CLEC18A: variants seen among roughly 807,000 people sequenced by gnomAD.
The protein encoded by CLEC18A is C-type lectin domain family 18 member A.
In CLEC18A, 5 loss-of-function variants were observed where a neutral mutation model predicts 24.0. The ratio of observed to expected loss-of-function variants is 0.21; its 90% CI spans 0.11 to 0.44. CLEC18A has a LOEUF of 0.44. Among genes scored for constraint, CLEC18A ranks in the 20% least tolerant of loss-of-function variants. The pLI, the probability that CLEC18A is intolerant of heterozygous loss-of-function variation, is 0.99. For missense variants in CLEC18A, 83 were observed against 233.4 expected, an observed-to-expected ratio of 0.36 and a Z score of 4.20; for synonymous variants, 29 against 100.1, an observed-to-expected ratio of 0.29 and a Z score of 4.24.
At position 69,963,501 on chromosome 16, in the gene CLEC18A, G is replaced by A. The variant is rs374347529; in HGVS notation, c.1304-73G>A. 0.018 allele frequency: 29,200 copies of A among 1,606,950 alleles called. 3,551 individuals are homozygous for A. The African/African-American group carries it at 0.33, about 18-fold the overall frequency. ...CCACGGCCATGGGCACTTCCAGACC[G>A]AGTGCAGCAGGGCTGCCATCTTGGG... On this transcript the variant is annotated intron_variant, in intron 11 of 11. Coordinates refer to ENST00000288040, the MANE Select transcript of CLEC18A (RefSeq NM_001370523.4).
At chr16:69,955,409 G>A (rs1299920565) in intron 3 of CLEC18A, among the ~76,000 whole-genome samples, 2 of 150,514 alleles carry the variant, frequency 1.3e-5, no homozygotes, top group African/African-American at 4.9e-5. Context: ...GGAGTGCAAT[G>A]GCTTGATCTC....
chr16:69,955,007 T>C (rs1381225499), intron 3 of CLEC18A, among the ~76,000 whole-genome samples: 4 of 147,774 alleles, frequency 2.7e-5, no homozygotes, highest in Non-Finnish European at 6.0e-5. Context: ...GCCACATTTT[T>C]TCTTTTTTTG....
downstream of CLEC18A, among the ~76,000 whole-genome samples, chr16:69,964,623 C>G (rs529231991): frequency 4.0e-3 from 601 of 151,288 alleles, no homozygotes; most frequent in African/African-American, 0.014. Flanking sequence ...CCTCAGCCTC[C>G]CGAGTAGCTG....
At chr16:69,965,540 C>T (rs980476124), downstream of CLEC18A, among the ~76,000 whole-genome samples, 14 of 150,464 alleles carry the variant, frequency 9.3e-5, no homozygotes, top group Non-Finnish European at 1.5e-4. Flanking sequence ...CCGAGACCTT[C>T]CCACCCCGCC....
intron 3 of CLEC18A, among the ~76,000 whole-genome samples, chr16:69,956,416 C>T (rs2549222): frequency 0.022 from 2,127 of 97,326 alleles, no homozygotes; most frequent in African/African-American, 0.035. Flanking sequence ...TGTGCAGTGG[C>T]GCGATCTCGG....
chr16:69,954,664 T>C, intron 3 of CLEC18A, 91 bp downstream of exon 3: 1 of 1,544,448 alleles, frequency 6.5e-7, no homozygotes, highest in Non-Finnish European at 8.7e-7. Flanking sequence ...TTGTCCTAAA[T>C]GTTGGGATTC....
Position 69,962,997 on chromosome 16 carries a change from G to A in CLEC18A, c.1233G>A (p.Leu411=). ...DNHGFGNCVE[L]QASAAFNWND... is the part of the protein sequence containing the mutation. Reference sequence around the variant, plus strand: ...GCAGGTTTGGCAACTGCGTGGAGCTGCAGGCTTCAGCTGCCTTCAACTGGA... The same window carrying A: ...GCAGGTTTGGCAACTGCGTGGAGCTACAGGCTTCAGCTGCCTTCAACTGGA... Residue 411 remains leucine, a synonymous_variant, in exon 11 of 12, where the codon CTG becomes CTA. Transcript: ENST00000288040. 6.2e-7 allele frequency: 1 copy of A among 1,611,826 alleles called. No individual in the cohort carries two copies. Among genetic ancestry groups the A allele is most frequent in the Non-Finnish European group, 8.5e-7 (1 of 1,179,068 alleles).
At chr16:69,965,350 T>C (rs1001195522), downstream of CLEC18A, among the ~76,000 whole-genome samples, 1 of 151,978 alleles carries the variant, frequency 6.6e-6, no homozygotes. Context: ...TCGGTCTGGT[T>C]CCCGGGTCAG....
rs767007311 is a variant in CLEC18A, at chr16:69,954,494, T to A, written c.377T>A (p.Leu126Gln). Residue 126 changes from leucine to glutamine, a missense_variant, in exon 3 of 12, where the codon CTA becomes CAA. Around this residue, in one of 3 missense-constraint regions of CLEC18A, gnomAD observed 71 missense variants for 107.4 expected, o/e 0.66. Transcript: ENST00000288040. Reference protein sequence around the residue: ...GLVSFVEVVSLWFAEGQRYSH... With the variant: ...GLVSFVEVVSQWFAEGQRYSH... The stretch of plus-strand genomic sequence containing the variant: ...GTGTCCTTTGTCGAAGTGGTCAGCC[T>A]ATGGTTTGCAGAGGGGCAGCGGTAC... The A allele has an allele frequency of 6.2e-7, 1 of 1,612,354 alleles. No homozygotes were observed.
the CLEC18A span, among the ~76,000 whole-genome samples, chr16:69,944,969 C>T: frequency 1.4e-5 from 2 of 142,170 alleles, no homozygotes; most frequent in Non-Finnish European, 3.0e-5. Context: ...GGCAAGACCC[C>T]GTCTCTACCA....
At chr16:69,946,752 A>G (rs1269704205), upstream of CLEC18A, among the ~76,000 whole-genome samples, 1 of 138,190 alleles carries the variant, frequency 7.2e-6, no homozygotes, top group Non-Finnish European at 1.5e-5. Flanking sequence ...TTTATTGCCA[A>G]TGTGTAGAAA....
chr16:69,954,690 G>C, intron 3 of CLEC18A, 117 bp downstream of exon 3: 1 of 1,497,684 alleles, frequency 6.7e-7, no homozygotes, highest in Admixed American at 2.3e-5. Context: ...CCTCCAATTG[G>C]TTTAGTTTTA....
intron 3 of CLEC18A, among the ~76,000 whole-genome samples, 173 bp from the exon 4 acceptor site, chr16:69,958,766 TAAG>T (rs2059062367): frequency 7.7e-6 from 1 of 130,506 alleles, no homozygotes; most frequent in Non-Finnish European, 1.6e-5. Flanking sequence ...AATAAATAAA[TAAG>T]CCTTCCTGAA....
the CLEC18A span, among the ~76,000 whole-genome samples, chr16:69,945,237 A>G: frequency 6.7e-6 from 1 of 149,040 alleles, no homozygotes; most frequent in Admixed American, 6.6e-5. Context: ...CTACTCAGCA[A>G]TTATGGTACC....
At chr16:69,965,390 C>A (rs1233171099), downstream of CLEC18A, among the ~76,000 whole-genome samples, 1 of 152,010 alleles carries the variant, frequency 6.6e-6, no homozygotes. Context: ...CTCCCGGACC[C>A]GGGACCCGCC....
chr16:69,966,249 T>G (rs138706404), downstream of CLEC18A, among the ~76,000 whole-genome samples: 372 of 150,710 alleles, frequency 2.5e-3, 12 homozygotes, highest in African/African-American at 8.3e-3. Context: ...GATCTGCTTC[T>G]TTGAAAGCCC....
At position 69,954,314 on chromosome 16, in the gene CLEC18A, T is replaced by C. The variant is rs1166616720; in HGVS notation, c.217-20T>C. 1 of 1,572,150 alleles carries C rather than the reference T, an allele frequency of 6.4e-7. No individual in the cohort carries two copies. The highest frequency in any genetic ancestry group is 1.3e-5 in the African/African-American group (1 of 74,508). On this transcript the variant is annotated intron_variant, in intron 2 of 11. Transcript: ENST00000288040. ...AGCAGTCAAAGGCCTCCCACAGATG[T>C]CTGTTTGTGCTGCCCCCAGGACTGG...
chr16:69,948,363 T>A (rs1329151611), upstream of CLEC18A, among the ~76,000 whole-genome samples: 1 of 41,052 alleles, frequency 2.4e-5, no homozygotes, highest in African/African-American at 2.1e-4. Context: ...ACAACTCTCC[T>A]AGAGTTAAAT....
In CLEC18A at chr16:69,954,481, G is replaced by A. The variant is rs191870515; in HGVS notation, c.364G>A (p.Glu122Lys). The change falls in exon 3 of 12, where the codon GAA (glutamate) becomes AAA (lysine). Residue 122 changes from glutamate to lysine, a missense_variant. Physicochemically the swap from Glu to Lys is moderately conservative, Grantham distance 56 (BLOSUM62 1). Transcript: ENST00000288040. ...LLPAGLVSFV[E>K]VVSLWFAEGQ... is the part of the protein sequence containing the mutation. ...ACCCGCGGGCTTGGTGTCCTTTGTC[G>A]AAGTGGTCAGCCTATGGTTTGCAGA... 2.6e-5 allele frequency: 42 copies of A among 1,611,134 alleles called. No homozygotes were observed. Among genetic ancestry groups the A allele is most frequent in the Admixed American group, 2.2e-4 (13 of 59,676 alleles).
Sources: allele counts gnomAD v4.1 joint callset (sites outside exome capture counted in the v4.1 genomes callset), GRCh38; gene constraint gnomAD v4.1.1; regional missense constraint gnomAD v4.1.1; transcripts MANE v1.5; gene names NCBI Gene and HGNC (gene_info 2026-07-23, HGNC 2026-07-21).